Variants in STRA6 observed in about 807,000 individuals in gnomAD.
STRA6 encodes receptor for retinol uptake STRA6.
In STRA6, 48 loss-of-function variants were observed where a neutral mutation model predicts 83.6. The ratio of observed to expected loss-of-function variants is 0.57; its 90% CI spans 0.46 to 0.73. The LOEUF is 0.73. STRA6 is among the 30% of genes least tolerant of loss of function. The probability of loss-of-function intolerance (pLI) is 0.00; values close to 1 mark genes in which losing one functional copy is unlikely to be tolerated. For missense variants in STRA6, 760 were observed against 838.8 expected, an observed-to-expected ratio of 0.91 and a Z score of 1.16; for synonymous variants, 353 against 362.3, an observed-to-expected ratio of 0.97 and a Z score of 0.29.
rs987153188 is a variant in STRA6 at position 74,184,870 on chromosome 15, G to C, written c.1166+110C>G. The C allele has an allele frequency of 3.6e-6, 4 of 1,113,970 alleles. No homozygotes were observed. In the East Asian group the frequency reaches 1.0e-4, roughly 28 times the overall value. 69.0% of individuals were successfully genotyped at this position (1,113,970 alleles called of 1,614,324 possible). On this transcript the variant is annotated intron_variant, in intron 13 of 18. Coordinates refer to ENST00000395105, the MANE Select transcript of STRA6 (RefSeq NM_022369.4). ...GCACAGGTGGGCTCCATGACAGCCC[G>C]GGCCGGCAGAGCCCTTCCCTCCCTC...
intron 7 of STRA6, chr15:74,194,687 C>T (rs2073726933): frequency 1.9e-6 from 2 of 1,029,616 alleles, no homozygotes; most frequent in African/African-American, 1.7e-5. Flanking sequence ...TAGTCCAGTG[C>T]CTGGAAATGT....
chr15:74,203,975 G>A (rs1345500936), upstream of STRA6, among the ~76,000 whole-genome samples: 1 of 152,172 alleles, frequency 6.6e-6, no homozygotes, highest in Non-Finnish European at 1.5e-5. Flanking sequence ...GAGTAGACAG[G>A]GCTTGAAATC....
Position 74,202,289 on chromosome 15 carries a change from C to T in STRA6, c.-15-7G>A, listed in dbSNP as rs564401524. 17 of 1,557,866 alleles carry T rather than the reference C, an allele frequency of 1.1e-5. No homozygotes were observed. Among genetic ancestry groups the T allele is most frequent in the Non-Finnish European group, 1.4e-5 (16 of 1,159,038 alleles). On this transcript the variant is annotated splice_polypyrimidine_tract_variant and splice_region_variant and intron_variant, in intron 1 of 18. Coordinates refer to ENST00000395105, the MANE Select transcript of STRA6 (RefSeq NM_022369.4). ...ACATTCTCTGGCCCTTCTCCTTTGA[C>T]CCCAGGCGAGAGAAAAAAAAAGCCA...
At chr15:74,208,978 G>A in exon 1 of STRA6, 2 of 1,010,114 alleles carry the variant, frequency 2.0e-6, no homozygotes, top group Non-Finnish European at 2.4e-6. Context: ...TGTGGTCTCG[G>A]CAGTTGGCCC....
Position 74,181,014 on chromosome 15 carries a change from A to G in STRA6, c.1685-77T>C, listed in dbSNP as rs1202293443. The G allele has an allele frequency of 2.3e-5, 36 of 1,583,050 alleles. No homozygotes were observed. The East Asian group carries it at 8.1e-4, about 36-fold the overall frequency. On this transcript the variant is annotated intron_variant, in intron 17 of 18. Transcript: ENST00000395105. ...GGCATCCAGACATCCCCTAACACAC[A>G]CACAGGGAGTGCACGTGCACTCCCT...
upstream of STRA6, among the ~76,000 whole-genome samples, chr15:74,206,833 G>A (rs1448290007): frequency 1.3e-5 from 2 of 152,252 alleles, no homozygotes; most frequent in African/African-American, 2.4e-5. Flanking sequence ...GGGCTCCCTC[G>A]CTGTGACCAG....
intron 17 of STRA6, 103 bp downstream of exon 17, chr15:74,181,192 T>C (rs1567177056): frequency 5.9e-6 from 9 of 1,521,266 alleles, no homozygotes; most frequent in Non-Finnish European, 7.1e-6. Context: ...GCTACAGGCA[T>C]CGGTGTGAAC....
rs2074137815 is a variant in STRA6, at chr15:74,202,739, G to A, written c.-42C>T. ...AGAAGGGAGGCCCAGGGAGGAAGGA[G>A]TTGCAGAGATGAAAGGGTAGGCAGC... On this transcript the variant is annotated 5_prime_UTR_variant, in exon 1 of 19. Transcript: ENST00000395105. 2 of 1,240,850 alleles carry A rather than the reference G, an allele frequency of 1.6e-6. No homozygotes were observed. Among genetic ancestry groups the A allele is most frequent in the Non-Finnish European group, 2.0e-6 (2 of 993,372 alleles). The allele number at this position is 1,240,850 out of a possible 1,614,324, so 76.9% of individuals were successfully genotyped here.
chr15:74,197,266 A>G, intron 4 of STRA6, 72 bp downstream of exon 4: 1 of 1,146,080 alleles, frequency 8.7e-7, no homozygotes. Context: ...TACCTAACAA[A>G]TCACCCACCC....
rs777484792 is a variant in STRA6 at position 74,191,173 on chromosome 15, G to A, written c.859C>T (p.Gln287Ter). The A allele has an allele frequency of 1.2e-6, 2 of 1,614,088 alleles. No individual in the cohort carries two copies. Among genetic ancestry groups the A allele is most frequent in the Non-Finnish European group, 1.7e-6 (2 of 1,179,990 alleles). ...VCLRHCIYTP[Q>*]PGFHLPLKLV... ...TCAGCTCCCAACCCCATACCTGGCT[G>A]TGGAGTGTAGATGCAGTGTCTCAAG... Residue 287 changes from glutamine to a stop codon, truncating the protein, a stop_gained, in exon 10 of 19, where the codon CAG becomes TAG. Coordinates refer to ENST00000395105, the MANE Select transcript of STRA6 (RefSeq NM_022369.4). LOFTEE classifies it high-confidence loss of function.
chr15:74,182,210 G>A lies in STRA6; in HGVS notation c.1471C>T (p.His491Tyr). Residue 491 changes from histidine (H) to tyrosine (Y), a missense_variant, in exon 16 of 19, where the codon CAT becomes TAT. Transcript: ENST00000395105. ...LAVILQNMAA[H>Y]WVFLETHDGH... The stretch of plus-strand genomic sequence containing the variant: ...TCATGAGTCTCCAGGAAGACCCAAT[G>A]GGCTGCCATGTTCTGCAGGATCACA... The A allele has an allele frequency of 6.2e-7, 1 of 1,614,178 alleles. No individual in the cohort carries two copies. The highest frequency in any genetic ancestry group is 8.5e-7 in the Non-Finnish European group (1 of 1,180,016).
chr15:74,182,289 C>T (rs755299762), intron 15 of STRA6, 27 bp from the exon 16 acceptor site: 35 of 1,613,354 alleles, frequency 2.2e-5, no homozygotes, highest in Non-Finnish European at 2.5e-5. Flanking sequence ...GAGGTGGTCG[C>T]TGTTAGCGGA....
chr15:74,182,300 C>A (rs778392523), intron 15 of STRA6, 38 bp from the exon 16 acceptor site: 8 of 1,613,952 alleles, frequency 5.0e-6, no homozygotes, highest in Admixed American at 3.3e-5. Flanking sequence ...TGTTAGCGGA[C>A]CTCTAAGGAG....
intron 12 of STRA6, 68 bp from the exon 13 acceptor site, chr15:74,185,123 C>A: frequency 6.6e-7 from 1 of 1,517,680 alleles, no homozygotes; most frequent in South Asian, 1.1e-5. Flanking sequence ...CCTCAGAACC[C>A]CTGCCAGGGT....
chr15:74,183,670 C>T (rs1171293824), intron 14 of STRA6, 186 bp downstream of exon 14: 34 of 1,529,116 alleles, frequency 2.2e-5, no homozygotes, highest in Non-Finnish European at 2.5e-5. Flanking sequence ...CTCCTGTACC[C>T]CCATCCTGAA....
At chr15:74,181,155 C>A in intron 17 of STRA6, 140 bp downstream of exon 17, 1 of 1,397,582 alleles carries the variant, frequency 7.2e-7, no homozygotes, top group African/African-American at 1.4e-5. Context: ...GGAGGCACAG[C>A]GCAGGGGCAC....
chr15:74,194,604 T>C (rs1221709045), intron 7 of STRA6: 3 of 541,434 alleles, frequency 5.5e-6, no homozygotes, highest in Non-Finnish European at 8.3e-6. Context: ...ATCATTTTGT[T>C]TGCGTGTCAT....
At chr15:74,202,858 T>C (rs1472913184), upstream of STRA6, 11 of 1,031,576 alleles carry the variant, frequency 1.1e-5, no homozygotes, top group Non-Finnish European at 1.0e-5. Context: ...CTGGCCCCTT[T>C]GGGCCTCGGT....
intron 14 of STRA6, 36 bp from the exon 15 acceptor site, chr15:74,182,496 A>G: frequency 6.4e-7 from 1 of 1,558,214 alleles, no homozygotes; most frequent in Non-Finnish European, 8.7e-7. Context: ...GACAGAAAAC[A>G]GGTTCCATGA....
Sources: allele counts gnomAD v4.1 joint callset (sites outside exome capture counted in the v4.1 genomes callset), GRCh38; gene constraint gnomAD v4.1.1; transcripts MANE v1.5; gene names NCBI Gene and HGNC (gene_info 2026-07-23, HGNC 2026-07-21).